The following CEP68 variants were observed in gnomAD, a reference collection of about 807,000 sequenced individuals.
CEP68 encodes centrosomal protein of 68 kDa.
A neutral mutation model predicts 55.3 loss-of-function variants in CEP68; 26 were observed. That is an observed-to-expected ratio of 0.47 (90% CI 0.34 to 0.65). CEP68 has a LOEUF of 0.65. CEP68 is among the 30% of genes least tolerant of loss of function. The pLI, the probability that CEP68 is intolerant of heterozygous loss-of-function variation, is 0.01. For synonymous variants in CEP68, 402 were observed against 383.2 expected, an observed-to-expected ratio of 1.05 and a Z score of -0.57; for missense variants, 957 against 946.7, an observed-to-expected ratio of 1.01 and a Z score of -0.14.
chr2:65,076,535 G>A (rs1676763551), intron 4 of CEP68, among the ~76,000 whole-genome samples: 1 of 152,212 alleles, frequency 6.6e-6, no homozygotes, highest in South Asian at 2.1e-4. Flanking sequence ...GCGTATGTGT[G>A]TGCTATCTTG....
intron 1 of CEP68, among the ~76,000 whole-genome samples, chr2:65,060,293 G>T (rs920616817): frequency 6.6e-6 from 1 of 152,188 alleles, no homozygotes; most frequent in African/African-American, 2.4e-5. Flanking sequence ...GGAGACAGCT[G>T]TTTCTGTTAT....
Position 65,072,029 on chromosome 2 carries a change from C to T in CEP68, c.933C>T (p.Pro311=), listed in dbSNP as rs773455676. ...TTGACTATACTTACCCACTGAGGCC[C>T]GGGCCTCAGCTCCCAAAGCACCTTG... ...DLLDYTYPLR[P]GPQLPKHLDS... is the part of the protein sequence containing the mutation. Residue 311 remains proline, a synonymous_variant, in exon 3 of 7, where the codon CCC becomes CCT. Coordinates refer to ENST00000377990, the MANE Select transcript of CEP68 (RefSeq NM_015147.3). 17 of 1,613,484 alleles carry T rather than the reference C, an allele frequency of 1.1e-5. No homozygotes were observed. The South Asian group carries it at 1.1e-4, about 10-fold the overall frequency.
At chr2:65,075,673 G>GCTGA (rs1364334157) in intron 4 of CEP68, among the ~76,000 whole-genome samples, 1 of 152,100 alleles carries the variant, frequency 6.6e-6, no homozygotes, top group Non-Finnish European at 1.5e-5. Context: ...GTTAACCTTG[G>GCTGA]CTGAACTCCT....
intron 1 of CEP68, among the ~76,000 whole-genome samples, chr2:65,060,415 G>A (rs774206053): frequency 3.3e-5 from 5 of 152,068 alleles, no homozygotes; most frequent in Non-Finnish European, 5.9e-5. Context: ...GTCTTCATAC[G>A]TGCAGCCTGA....
chr2:65,064,168 G>T (rs1676041827), intron 1 of CEP68, among the ~76,000 whole-genome samples: 1 of 152,160 alleles, frequency 6.6e-6, no homozygotes, highest in Non-Finnish European at 1.5e-5. Flanking sequence ...CCTAGTTTAG[G>T]TTTGTGTGTA....
intron 4 of CEP68, among the ~76,000 whole-genome samples, chr2:65,077,163 T>C (rs970080877): frequency 6.6e-6 from 1 of 151,788 alleles, no homozygotes; most frequent in African/African-American, 2.4e-5. Flanking sequence ...ACCCGGCTAA[T>C]TTTTTTGTAT....
chr2:65,070,298 TTC>T, intron 2 of CEP68, among the ~76,000 whole-genome samples: 1 of 152,302 alleles, frequency 6.6e-6, no homozygotes, highest in South Asian at 2.1e-4. Context: ...TTCCTTGGGC[TTC>T]TCTGACTGCC....
intron 1 of CEP68, among the ~76,000 whole-genome samples, chr2:65,063,952 G>A (rs1676031075): frequency 6.6e-6 from 1 of 152,160 alleles, no homozygotes; most frequent in African/African-American, 2.4e-5. Flanking sequence ...ACATGTGTCT[G>A]TCTTGGTTCT....
At position 65,074,354 on chromosome 2, in the gene CEP68, G is replaced by A; in HGVS notation, c.1957G>A (p.Ala653Thr). Residue 653 changes from alanine (A) to threonine (T), a missense_variant, in exon 4 of 7, where the codon GCA becomes ACA. By Grantham distance (58) the Ala-to-Thr change is moderately conservative. Coordinates refer to ENST00000377990, the MANE Select transcript of CEP68 (RefSeq NM_015147.3). ...NVADVTDHGT[A>T]ARSNLTSLKS... ...TGCAGATGTTACTGACCACGGGACT[G>A]CAGCCAGGTCCAATCTTACAAGTCT... 2 of 1,614,190 alleles carry A rather than the reference G, an allele frequency of 1.2e-6. No individual in the cohort carries two copies. The highest frequency in any genetic ancestry group is 1.7e-6 in the Non-Finnish European group (2 of 1,179,996).
At chr2:65,074,467 C>T in intron 4 of CEP68, 63 bp downstream of exon 4, 1 of 1,610,624 alleles carries the variant, frequency 6.2e-7, no homozygotes, top group Non-Finnish European at 8.5e-7. Context: ...TACTCGATTA[C>T]AAAGTAAAAT....
Position 65,071,853 on chromosome 2 carries a change from G to A in CEP68, c.757G>A (p.Val253Met). ...GPRPQWSPQP[V>M]FSGGDASGLG... The stretch of plus-strand genomic sequence containing the variant: ...TCGGCCCCAGTGGTCACCACAGCCT[G>A]TGTTCTCTGGGGGTGATGCTTCTGG... Residue 253 changes from valine to methionine, a missense_variant, in exon 3 of 7, where the codon GTG becomes ATG. Transcript: ENST00000377990. 6.2e-7 allele frequency: 1 copy of A among 1,606,342 alleles called. No homozygotes were observed. Among genetic ancestry groups the A allele is most frequent in the Non-Finnish European group, 8.5e-7 (1 of 1,175,826 alleles).
At chr2:65,062,407 C>T (rs138928701) in intron 1 of CEP68, among the ~76,000 whole-genome samples, 28 of 152,088 alleles carry the variant, frequency 1.8e-4, no homozygotes, top group African/African-American at 6.7e-4. Context: ...GTGGCACGCA[C>T]CTGGAGTCCC....
Position 65,084,253 on chromosome 2 carries a change from T to G in CEP68, c.*619T>G, listed in dbSNP as rs1296390621. The stretch of plus-strand genomic sequence containing the variant: ...TTCAGGGCTTACGTCTTTACTTTCT[T>G]GGCTAACCAGTTTCTTAGAAGAAAA... On this transcript the variant is annotated 3_prime_UTR_variant, in exon 7 of 7. Coordinates refer to ENST00000377990, the MANE Select transcript of CEP68 (RefSeq NM_015147.3). 1.3e-5 allele frequency: 2 copies of G among 152,262 alleles called. No individual in the cohort carries two copies. The highest frequency in any genetic ancestry group is 4.8e-5 in the African/African-American group (2 of 41,468). The allele number at this position is 152,262 out of a possible 1,614,324, so 9.4% of individuals were successfully genotyped here. A position where few individuals can be genotyped will look rare whatever the true frequency, so the allele number is the denominator to read the frequency against.
At chr2:65,058,387 AGAGAT>A (rs1675750463) in intron 1 of CEP68, among the ~76,000 whole-genome samples, 1 of 149,880 alleles carries the variant, frequency 6.7e-6, no homozygotes, top group African/African-American at 2.5e-5. Flanking sequence ...ATTTTGTTGT[AGAGAT>A]GACGTCTCTC....
intron 5 of CEP68, 34 bp downstream of exon 5, chr2:65,077,998 C>T: frequency 6.5e-7 from 1 of 1,537,098 alleles, no homozygotes; most frequent in Non-Finnish European, 9.0e-7. Flanking sequence ...TTAGCCAGAG[C>T]TTAATCCCTG....
chr2:65,077,642 G>C (rs1453245817), intron 4 of CEP68, among the ~76,000 whole-genome samples: 3 of 152,188 alleles, frequency 2.0e-5, no homozygotes, highest in African/African-American at 7.2e-5. Context: ...AGATGCTTCT[G>C]ATGTCAAACT....
intron 1 of CEP68, among the ~76,000 whole-genome samples, chr2:65,056,938 GT>G (rs1422078001): frequency 1.3e-5 from 2 of 152,218 alleles, no homozygotes; most frequent in Non-Finnish European, 2.9e-5. Flanking sequence ...GGCGTGGGCT[GT>G]TTACCCAGCT....
intron 5 of CEP68, among the ~76,000 whole-genome samples, chr2:65,078,881 G>C (rs17029820): frequency 0.039 from 5,987 of 152,262 alleles, 378 homozygotes; most frequent in African/African-American, 0.14. Flanking sequence ...CCCCATTTAG[G>C]AAAGTGAAAA....
At position 65,066,745 on chromosome 2, in the gene CEP68, AATATAT is replaced by A. The variant is rs1553384179; in HGVS notation, c.-46-2636_-46-2631del. Among the ~76,000 whole-genome samples, 195 of 58,404 alleles carry A rather than the reference AATATAT, an allele frequency of 3.3e-3. 2 individuals are homozygous for A. The highest frequency in any genetic ancestry group is 0.017 in the Middle Eastern group (1 of 60). 38.3% of individuals were successfully genotyped at this position (58,404 alleles called of 152,430 possible). A position where few individuals can be genotyped will look rare whatever the true frequency, so the allele number is the denominator to read the frequency against. On this transcript the variant is annotated intron_variant, in intron 1 of 6. Transcript: ENST00000377990. Reference sequence around the variant, plus strand: ...CTGTCTCAAAAAAAAAAAAAAAAAAAATATATATATATATATATATATACACACACA... The same window carrying A: ...CTGTCTCAAAAAAAAAAAAAAAAAAAATATATATATATATATACACACACA...
Sources: gnomAD v4.1 joint callset for allele counts (sites outside exome capture counted in the v4.1 genomes callset) on GRCh38, gnomAD v4.1.1 for gene constraint, MANE v1.5 for transcripts, NCBI Gene and HGNC (gene_info 2026-07-23, HGNC 2026-07-21) for gene names.